The following RBFOX1 variants were observed in gnomAD, a reference collection of about 807,000 sequenced individuals.
The protein encoded by RBFOX1 is RNA binding protein fox-1 homolog 1.
RBFOX1 carries 8 observed loss-of-function variants against 57.7 expected under a neutral mutation model. That is an observed-to-expected ratio of 0.14 (90% CI 0.08 to 0.25). RBFOX1 has a LOEUF of 0.25. Among genes scored for constraint, RBFOX1 ranks in the 10% least tolerant of loss-of-function variants. The probability of loss-of-function intolerance (pLI) is 1.00; values close to 1 mark genes in which losing one functional copy is unlikely to be tolerated. For missense variants in RBFOX1, 611 were observed against 548.5 expected (o/e 1.11, Z -1.14); for synonymous variants, 326 against 222.4 (o/e 1.47, Z -4.15).
At chr16:7,431,105 C>A (rs999089777) in intron 4 of RBFOX1, 2 of 152,182 alleles carry the variant, frequency 1.3e-5, no homozygotes, top group East Asian at 1.9e-4. Flanking sequence ...ACCTCAAACC[C>A]AAACTGACTA....
At chr16:7,574,353 A>C (rs575160554) in intron 5 of RBFOX1, among the ~76,000 whole-genome samples, 1 of 152,158 alleles carries the variant, frequency 6.6e-6, no homozygotes, top group Non-Finnish European at 1.5e-5. Context: ...TGTAAAGGGG[A>C]ATTTATTAAG....
chr16:7,387,550 A>G (rs1454433594), intron 4 of RBFOX1, among the ~76,000 whole-genome samples: 1 of 152,224 alleles, frequency 6.6e-6, no homozygotes, highest in Non-Finnish European at 1.5e-5. Context: ...AGAGTGGCAC[A>G]TTGATCTCAA....
intron 1 of RBFOX1, among the ~76,000 whole-genome samples, chr16:6,263,554 C>G (rs562044119): frequency 1.3e-5 from 2 of 152,134 alleles, no homozygotes; most frequent in Non-Finnish European, 2.9e-5. Context: ...TCCATTCTGA[C>G]AGATGTGGCA....
chr16:7,421,940 A>T (rs1187596419), intron 4 of RBFOX1, among the ~76,000 whole-genome samples: 1 of 152,220 alleles, frequency 6.6e-6, no homozygotes. Context: ...ATTTTATGTC[A>T]TGCCCAGTCC....
At chr16:7,071,600 TGTGTG>T (rs2057354055) in intron 4 of RBFOX1, among the ~76,000 whole-genome samples, 2 of 151,336 alleles carry the variant, frequency 1.3e-5, no homozygotes, top group Non-Finnish European at 2.9e-5. Context: ...TGTGTGTGTG[TGTGTG>T]TGTGTGTGTG....
At position 5,256,057 on chromosome 16, in the gene RBFOX1, C is replaced by T. The variant is rs1294098809; in HGVS notation, c.219+15952C>T. Among the ~76,000 whole-genome samples, 7 of 152,096 alleles carry T rather than the reference C, an allele frequency of 4.6e-5. No homozygotes were observed. In the East Asian group the frequency reaches 5.8e-4, roughly 13 times the overall value. On this transcript the variant is annotated intron_variant, in intron 1 of 2. Transcript: ENST00000585867. ...TATTCTTGGCAGATGCTGCAGATAA[C>T]GTGGAGAACATACGAAAGACACATA... is the stretch of plus-strand genomic sequence containing the variant.
At chr16:6,854,028 A>C (rs1005382396) in intron 3 of RBFOX1, among the ~76,000 whole-genome samples, 1 of 152,210 alleles carries the variant, frequency 6.6e-6, no homozygotes, top group Non-Finnish European at 1.5e-5. Context: ...AGAAGGAAGG[A>C]CAGACCTCAG....
chr16:5,512,976 C>T (rs926777771), intron 2 of RBFOX1, among the ~76,000 whole-genome samples: 4 of 152,268 alleles, frequency 2.6e-5, no homozygotes, highest in East Asian at 1.9e-4. Flanking sequence ...AGTGCAATGG[C>T]GCCATCACAG....
At chr16:6,298,127 C>A (rs527584442) in intron 1 of RBFOX1, among the ~76,000 whole-genome samples, 20 of 152,194 alleles carry the variant, frequency 1.3e-4, no homozygotes, top group Admixed American at 5.2e-4. Context: ...GTAACACACG[C>A]CCAGTTGGGC....
rs1003813389 is a variant in RBFOX1, at chr16:7,042,360, G to C, written c.-15-9697G>C. Among the ~76,000 whole-genome samples, 22 of 152,128 alleles carry C rather than the reference G, an allele frequency of 1.4e-4. 1 individual carries two copies. Among genetic ancestry groups the C allele is most frequent in the African/African-American group, 3.9e-4 (16 of 41,438 alleles). On this transcript the variant is annotated intron_variant, in intron 3 of 15. Coordinates refer to ENST00000550418, the MANE Select transcript of RBFOX1 (RefSeq NM_018723.4). ...GGAAACTGTGTACAATGGTGATTCAGAGAGGAAACCTAGTCAACCCATCCA... is the reference window on the plus strand; with the variant it reads ...GGAAACTGTGTACAATGGTGATTCACAGAGGAAACCTAGTCAACCCATCCA...
At chr16:7,440,589 T>C (rs1314559672) in intron 4 of RBFOX1, among the ~76,000 whole-genome samples, 2 of 152,206 alleles carry the variant, frequency 1.3e-5, no homozygotes, top group African/African-American at 2.4e-5. Context: ...GTGATTTTCA[T>C]ACTTTTAATC....
chr16:6,398,275 C>T (rs751104458), intron 2 of RBFOX1, among the ~76,000 whole-genome samples: 6 of 152,198 alleles, frequency 3.9e-5, no homozygotes, highest in South Asian at 2.1e-4. Flanking sequence ...CTCGAGATTT[C>T]GGTATAGCCA....
chr16:6,682,577 T>C (rs984063888), intron 3 of RBFOX1, among the ~76,000 whole-genome samples: 1 of 152,060 alleles, frequency 6.6e-6, no homozygotes, highest in Admixed American at 6.6e-5. Context: ...GAGTGTCCTG[T>C]GCATTGTGGG....
At chr16:6,863,370 T>C (rs2059346270) in intron 3 of RBFOX1, among the ~76,000 whole-genome samples, 1 of 152,080 alleles carries the variant, frequency 6.6e-6, no homozygotes, top group African/African-American at 2.4e-5. Flanking sequence ...TCACTAATCT[T>C]CAAGAATGTA....
intron 1 of RBFOX1, among the ~76,000 whole-genome samples, chr16:6,311,334 G>A (rs1251415181): frequency 6.6e-6 from 1 of 150,390 alleles, no homozygotes; most frequent in African/African-American, 2.4e-5. Context: ...AGAACTATTG[G>A]CTTTTGGGTT....
At chr16:6,950,103 C>T (rs912142663) in intron 3 of RBFOX1, among the ~76,000 whole-genome samples, 7 of 145,240 alleles carry the variant, frequency 4.8e-5, no homozygotes, top group Admixed American at 7.0e-5. Flanking sequence ...TGCGCCACTA[C>T]GCAGAGGTAA....
At chr16:5,516,306 T>G (rs763112786) in intron 2 of RBFOX1, among the ~76,000 whole-genome samples, 3 of 152,182 alleles carry the variant, frequency 2.0e-5, no homozygotes, top group Non-Finnish European at 4.4e-5. Flanking sequence ...CATCACTTCC[T>G]GTGTCCCATA....
intron 3 of RBFOX1, among the ~76,000 whole-genome samples, chr16:6,773,364 TTGTG>T (rs147890940): frequency 3.9e-5 from 5 of 129,720 alleles, no homozygotes; most frequent in Admixed American, 7.7e-5. Flanking sequence ...TGGGGTGCAT[TTGTG>T]TGTGTGTGTG....
chr16:6,933,699 C>T (rs1173190734), intron 3 of RBFOX1, among the ~76,000 whole-genome samples: 4 of 152,182 alleles, frequency 2.6e-5, no homozygotes, highest in Non-Finnish European at 4.4e-5. Flanking sequence ...TGGGGGACAG[C>T]ACGAGACTGC....
Sources: allele counts gnomAD v4.1 joint callset (sites outside exome capture counted in the v4.1 genomes callset), GRCh38; gene constraint gnomAD v4.1.1; transcripts MANE v1.5; gene names NCBI Gene and HGNC (gene_info 2026-07-23, HGNC 2026-07-21).